LRRTM4: variants seen among roughly 807,000 people sequenced by gnomAD.
LRRTM4 encodes the protein leucine rich repeat transmembrane neuronal 4.
LRRTM4 carries 25 observed loss-of-function variants against 47.6 expected under a neutral mutation model. That is an observed-to-expected ratio of 0.53 (90% CI 0.38 to 0.73). The LOEUF (loss-of-function observed/expected upper bound fraction) is 0.73, where lower values mean the gene tolerates loss of function less well. Ranked by LOEUF, LRRTM4 falls within the 30% of genes least tolerant of loss-of-function variation. The pLI, the probability that LRRTM4 is intolerant of heterozygous loss-of-function variation, is 0.00. For synonymous variants in LRRTM4, 311 were observed against 269.5 expected (o/e 1.15, Z -1.51); for missense variants, 638 against 713.4 (o/e 0.89, Z 1.20).
rs1263704527 is a variant in LRRTM4 at position 77,480,840 on chromosome 2, A to T, written c.1551+37478T>A. Among the ~76,000 whole-genome samples the T allele has an allele frequency of 1.3e-3, 111 of 83,548 alleles. 1 individual carries two copies. Among genetic ancestry groups the T allele is most frequent in the African/African-American group, 4.5e-3 (90 of 19,884 alleles). The allele number at this position is 83,548 out of a possible 152,430, so 54.8% of individuals were successfully genotyped here. The stretch of plus-strand genomic sequence containing the variant: ...TGTGTGTGGAGAGAGAGAGAGAGAG[A>T]GAGAGAGAGAGAGAGAGAGAGAGAG... On this transcript the variant is annotated intron_variant, in intron 3 of 3. Transcript: ENST00000409884.
intron 3 of LRRTM4, among the ~76,000 whole-genome samples, chr2:77,290,438 C>T (rs1365536953): frequency 8.6e-5 from 13 of 151,748 alleles, no homozygotes; most frequent in South Asian, 2.1e-4. Flanking sequence ...AGATAGTTAA[C>T]GGATACAAAA....
At chr2:76,792,071 G>A (rs537959637) in intron 3 of LRRTM4, among the ~76,000 whole-genome samples, 3 of 152,180 alleles carry the variant, frequency 2.0e-5, no homozygotes, top group Non-Finnish European at 2.9e-5. Flanking sequence ...AAACCTGGAG[G>A]CAGGCAGAAT....
intron 3 of LRRTM4, among the ~76,000 whole-genome samples, chr2:76,890,604 C>T (rs977383438): frequency 1.3e-5 from 2 of 151,894 alleles, no homozygotes; most frequent in Admixed American, 1.3e-4. Flanking sequence ...TAGCAAATGG[C>T]TTTTATATAT....
chr2:76,780,931 G>A (rs1479210283), intron 3 of LRRTM4, among the ~76,000 whole-genome samples: 1 of 152,116 alleles, frequency 6.6e-6, no homozygotes, highest in African/African-American at 2.4e-5. Flanking sequence ...TGTACAGATG[G>A]GTTTGTGGTG....
At chr2:76,979,822 A>C (rs990383778) in intron 3 of LRRTM4, among the ~76,000 whole-genome samples, 1 of 152,000 alleles carries the variant, frequency 6.6e-6, no homozygotes, top group Non-Finnish European at 1.5e-5. Flanking sequence ...TAGTGGAGTA[A>C]TGAAGCAGTT....
chr2:76,796,885 T>C (rs983267568), intron 3 of LRRTM4, among the ~76,000 whole-genome samples: 2 of 151,796 alleles, frequency 1.3e-5, no homozygotes, highest in African/African-American at 4.8e-5. Flanking sequence ...CAATGGAAGA[T>C]GAAATGAAGC....
chr2:76,856,959 C>G (rs764803467), intron 3 of LRRTM4, among the ~76,000 whole-genome samples: 6 of 151,898 alleles, frequency 4.0e-5, no homozygotes, highest in Non-Finnish European at 8.8e-5. Context: ...AAATTTACAA[C>G]AATGGTTTAT....
chr2:76,780,071 T>A (rs1405346068), intron 3 of LRRTM4, among the ~76,000 whole-genome samples: 155 of 151,994 alleles, frequency 1.0e-3, no homozygotes, highest in East Asian at 3.9e-3. Context: ...CTTTTCTTTA[T>A]GAATGTTGAA....
chr2:76,952,696 A>G (rs193050772), intron 3 of LRRTM4, among the ~76,000 whole-genome samples: 5 of 152,040 alleles, frequency 3.3e-5, no homozygotes, highest in Admixed American at 2.6e-4. Context: ...CTGAATATAT[A>G]TCCAAAAGAA....
chr2:77,506,391 C>A (rs894332330), intron 3 of LRRTM4, among the ~76,000 whole-genome samples: 1 of 151,318 alleles, frequency 6.6e-6, no homozygotes, highest in African/African-American at 2.4e-5. Context: ...AAAGTAAAAG[C>A]AATGTAAGAA....
At chr2:77,160,450 T>C (rs969552563) in intron 3 of LRRTM4, among the ~76,000 whole-genome samples, 4 of 152,082 alleles carry the variant, frequency 2.6e-5, no homozygotes, top group African/African-American at 9.7e-5. Flanking sequence ...ACTTCAGTAT[T>C]TTAGTGTTGA....
intron 3 of LRRTM4, among the ~76,000 whole-genome samples, chr2:77,480,822 G>GGAGA (rs67377276): frequency 0.028 from 2,061 of 74,294 alleles, 91 homozygotes; most frequent in Non-Finnish European, 0.036. Flanking sequence ...GTGTGTGTGT[G>GGAGA]GAGAGAGAGA....
intron 3 of LRRTM4, among the ~76,000 whole-genome samples, chr2:76,858,110 A>G (rs1374039947): frequency 6.6e-6 from 1 of 152,180 alleles, no homozygotes; most frequent in Non-Finnish European, 1.5e-5. Context: ...TTATGTGTCA[A>G]CTTGACTGAG....
chr2:76,818,193 AAGAC>A (rs1352847913), intron 3 of LRRTM4, among the ~76,000 whole-genome samples: 11 of 152,058 alleles, frequency 7.2e-5, no homozygotes, highest in African/African-American at 2.2e-4. Context: ...CAAAAATAAT[AAGAC>A]AGAGTAAATT....
At chr2:76,898,553 C>CAA (rs56345618) in intron 3 of LRRTM4, among the ~76,000 whole-genome samples, 2,793 of 59,648 alleles carry the variant, frequency 0.047, 107 homozygotes, top group African/African-American at 0.1. Flanking sequence ...AGCTCCGTCT[C>CAA]AAAAAAAAAA....
At chr2:77,177,648 T>C (rs770252460) in intron 3 of LRRTM4, among the ~76,000 whole-genome samples, 12 of 152,222 alleles carry the variant, frequency 7.9e-5, no homozygotes, top group Admixed American at 3.9e-4. Flanking sequence ...TGCTTTCTTA[T>C]GATCTCCACT....
intron 3 of LRRTM4, among the ~76,000 whole-genome samples, chr2:76,985,722 C>T (rs547287020): frequency 1.3e-5 from 2 of 152,124 alleles, no homozygotes; most frequent in African/African-American, 4.8e-5. Flanking sequence ...GCTTTAAAAA[C>T]ACATTTATTT....
At chr2:77,191,642 A>AC (rs1346490776) in intron 3 of LRRTM4, among the ~76,000 whole-genome samples, 1 of 151,938 alleles carries the variant, frequency 6.6e-6, no homozygotes, top group Non-Finnish European at 1.5e-5. Flanking sequence ...AGAATATGTA[A>AC]AAAATGAAAA....
intron 3 of LRRTM4, among the ~76,000 whole-genome samples, chr2:77,139,727 A>G (rs1672060787): frequency 6.6e-6 from 1 of 152,194 alleles, no homozygotes. Flanking sequence ...AGAAAACCCT[A>G]TCGTCTCAGC....
Sources: allele counts gnomAD v4.1 joint callset (sites outside exome capture counted in the v4.1 genomes callset), GRCh38; gene constraint gnomAD v4.1.1; transcripts MANE v1.5; gene names NCBI Gene and HGNC (gene_info 2026-07-23, HGNC 2026-07-21).